Variants in FANCB observed in about 807,000 individuals in gnomAD.
FANCB encodes FA complementation group B, also known as Fanconi anemia group B protein.
FANCB carries 5 observed loss-of-function variants against 38.9 expected under a neutral mutation model. The ratio of observed to expected loss-of-function variants is 0.13; its 90% confidence interval spans 0.07 to 0.27. The LOEUF is 0.27. Ranked by LOEUF, FANCB falls within the 10% of genes least tolerant of loss-of-function variation. The pLI is 1.00. For missense variants in FANCB, 573 were observed against 602.7 expected (o/e 0.95, Z 0.52); for synonymous variants, 236 against 215.4 (o/e 1.10, Z -0.84).
the FANCB span, among the ~76,000 whole-genome samples, chrX:14,819,366 GA>G: frequency 1.8e-5 from 2 of 108,671 alleles, no homozygotes; most frequent in East Asian, 2.9e-4. Flanking sequence ...GCAGAACTGA[GA>G]AAAAAAAACA....
At chrX:14,752,514 T>C in the FANCB span, among the ~76,000 whole-genome samples, 1 of 112,481 alleles carries the variant, frequency 8.9e-6, no homozygotes, top group Admixed American at 9.4e-5. Context: ...AGACATATAG[T>C]ATGACCAAAA....
chrX:14,739,402 T>C, the FANCB span, among the ~76,000 whole-genome samples: 3 of 111,561 alleles, frequency 2.7e-5, no homozygotes, highest in Admixed American at 2.9e-4. Context: ...AGTTTGAACA[T>C]CCAGCACAAT....
chrX:14,823,231 C>T, the FANCB span, among the ~76,000 whole-genome samples: 2 of 108,248 alleles, frequency 1.8e-5, no homozygotes, highest in South Asian at 4.0e-4. Flanking sequence ...TACAGGCATG[C>T]ACCACCACAC....
chrX:14,782,781 T>C, the FANCB span, among the ~76,000 whole-genome samples: 2 of 111,930 alleles, frequency 1.8e-5, no homozygotes, highest in Non-Finnish European at 3.8e-5. Flanking sequence ...TTCTCAGACA[T>C]TAATGTGCAT....
intron 1 of FANCB, among the ~76,000 whole-genome samples, chrX:14,870,429 GGGGTGGCGGTGCGGGGCA>G (rs2092490405): frequency 9.1e-6 from 1 of 110,264 alleles, no homozygotes; most frequent in Admixed American, 9.7e-5. Flanking sequence ...GAAGTAACTA[GGGGTGGCGGTGCGGGGCA>G]GGGTGGCGGT....
chrX:14,756,464 T>C, the FANCB span, among the ~76,000 whole-genome samples: 14 of 111,762 alleles, frequency 1.3e-4, no homozygotes, highest in Non-Finnish European at 2.6e-4. Flanking sequence ...CTCAACTCAA[T>C]AGAAAAATAA....
At chrX:14,712,038 T>C in the FANCB span, among the ~76,000 whole-genome samples, 1 of 113,002 alleles carries the variant, frequency 8.8e-6, no homozygotes, top group East Asian at 2.8e-4. Context: ...TTTTGTCATG[T>C]TATTATAGAA....
At chrX:14,839,394 T>C (rs1230892117), downstream of FANCB, among the ~76,000 whole-genome samples, 1 of 111,518 alleles carries the variant, frequency 9.0e-6, no homozygotes, top group East Asian at 2.8e-4. Flanking sequence ...ACTAGACAGA[T>C]ATGGCCCTTA....
the FANCB span, among the ~76,000 whole-genome samples, chrX:14,756,391 T>C: frequency 8.9e-6 from 1 of 112,074 alleles, no homozygotes; most frequent in East Asian, 2.8e-4. Flanking sequence ...AGACAACTGA[T>C]AGGAGAAAGT....
At chrX:14,781,693 C>A in the FANCB span, among the ~76,000 whole-genome samples, 1 of 111,532 alleles carries the variant, frequency 9.0e-6, no homozygotes, top group Non-Finnish European at 1.9e-5. Flanking sequence ...GAACTTTCTA[C>A]CAGAGCAGCA....
the FANCB span, among the ~76,000 whole-genome samples, chrX:14,783,456 T>C: frequency 1.8e-5 from 2 of 112,242 alleles, no homozygotes; most frequent in Non-Finnish European, 3.8e-5. Context: ...TTAAAGAAAC[T>C]GTTACTTCCT....
chrX:14,699,168 G>A, the FANCB span, among the ~76,000 whole-genome samples: 1 of 111,878 alleles, frequency 8.9e-6, no homozygotes, highest in Non-Finnish European at 1.9e-5. Context: ...TAATGTTATC[G>A]CCTCTGCTCC....
the FANCB span, among the ~76,000 whole-genome samples, chrX:14,727,458 T>A: frequency 8.9e-6 from 1 of 112,111 alleles, no homozygotes; most frequent in Non-Finnish European, 1.9e-5. Context: ...TACTTCACAC[T>A]GGTTGAGATC....
the FANCB span, among the ~76,000 whole-genome samples, chrX:14,722,616 GCTAT>G: frequency 1.7e-4 from 19 of 111,644 alleles, no homozygotes; most frequent in Admixed American, 6.7e-4. Context: ...TATTGTTGTG[GCTAT>G]CTTTGGCAAA....
At chrX:14,780,830 A>AT in the FANCB span, among the ~76,000 whole-genome samples, 12,391 of 107,676 alleles carry the variant, frequency 0.12, 1,517 homozygotes, top group African/African-American at 0.31. Context: ...TTTTCCAACC[A>AT]TTAAAAAAAT....
chrX:14,701,119 G>C, the FANCB span, among the ~76,000 whole-genome samples: 2 of 110,885 alleles, frequency 1.8e-5, no homozygotes, highest in Non-Finnish European at 3.8e-5. Context: ...AGAATAAAGA[G>C]GGAGGTGACA....
intron 9 of FANCB, 35 bp from the exon 10 acceptor site, chrX:14,844,016 T>C: frequency 8.7e-7 from 1 of 1,147,817 alleles, no homozygotes; most frequent in Non-Finnish European, 1.2e-6. Context: ...ATTACAAAAA[T>C]TAGGACAGCA....
intron 3 of FANCB, among the ~76,000 whole-genome samples, chrX:14,863,227 A>G (rs2092454474): frequency 8.9e-6 from 1 of 112,251 alleles, no homozygotes; most frequent in African/African-American, 3.2e-5. Context: ...TGAATTTCAA[A>G]CTTTCTAAAA....
At chrX:14,759,030 G>A in the FANCB span, among the ~76,000 whole-genome samples, 1 of 111,048 alleles carries the variant, frequency 9.0e-6, no homozygotes, top group Admixed American at 9.6e-5. Context: ...AAAAACAATC[G>A]CAACTTCTGG....
Sources: allele counts gnomAD v4.1 joint callset (sites outside exome capture counted in the v4.1 genomes callset), GRCh38; gene constraint gnomAD v4.1.1; transcripts MANE v1.5; gene names NCBI Gene and HGNC (gene_info 2026-07-23, HGNC 2026-07-21).